Variants in TNR observed in about 807,000 individuals in gnomAD.
The protein encoded by TNR is tenascin R, also known as tenascin-R.
Under a neutral mutation model 150.4 loss-of-function variants are expected in TNR, and 45 were observed. The ratio of observed to expected loss-of-function variants is 0.30; its 90% confidence interval spans 0.24 to 0.38. The LOEUF is 0.38. TNR is among the 10% of genes least tolerant of loss of function. The pLI is 1.00. For missense variants in TNR, 1,544 were observed against 1,759.1 expected, an observed-to-expected ratio of 0.88 and a Z score of 2.19; for synonymous variants, 687 against 678.4, an observed-to-expected ratio of 1.01 and a Z score of -0.20.
chr1:175,725,610 C>A (rs1262906779), intron 1 of TNR, among the ~76,000 whole-genome samples: 1 of 151,998 alleles, frequency 6.6e-6, no homozygotes, highest in African/African-American at 2.4e-5. Context: ...TAAAGGATCA[C>A]AATTTGGGGA....
At chr1:175,616,110 G>C (rs1471772747) in intron 1 of TNR, among the ~76,000 whole-genome samples, 3 of 152,130 alleles carry the variant, frequency 2.0e-5, no homozygotes, top group African/African-American at 7.2e-5. Flanking sequence ...ATGTGCCAGG[G>C]GCCAAATAGG....
chr1:175,513,076 A>AT lies in TNR; in HGVS notation c.-64+15192dup, dbSNP rs1659256673. Among the ~76,000 whole-genome samples the AT allele has an allele frequency of 4.6e-5, 7 of 152,182 alleles. 1 individual carries two copies. Among genetic ancestry groups the AT allele is most frequent in the Admixed American group, 3.9e-4 (6 of 15,280 alleles). On this transcript the variant is annotated intron_variant, in intron 2 of 22. Coordinates refer to ENST00000367674, the MANE Select transcript of TNR (RefSeq NM_003285.3). Reference sequence around the variant, plus strand: ...CTAGGGTAAGGGTCCAGGAAACCACATTTTGTAATAAGTTCTTAGGATGTT... The same window carrying AT: ...CTAGGGTAAGGGTCCAGGAAACCACATTTTTGTAATAAGTTCTTAGGATGTT...
chr1:175,657,883 A>ATATATATATG lies in TNR; in HGVS notation c.-165+85342_-165+85343insCATATATATA, dbSNP rs1464419575. Among the ~76,000 whole-genome samples, 227 of 101,094 alleles carry ATATATATATG rather than the reference A, an allele frequency of 2.2e-3. 22 individuals carry two copies. Among genetic ancestry groups the ATATATATATG allele is most frequent in the African/African-American group, 5.5e-3 (153 of 27,672 alleles). 66.3% of individuals were successfully genotyped at this position (101,094 alleles called of 152,430 possible). A position where few individuals can be genotyped will look rare whatever the true frequency, so the allele number is the denominator to read the frequency against. On this transcript the variant is annotated intron_variant, in intron 1 of 22. Coordinates refer to ENST00000367674, the MANE Select transcript of TNR (RefSeq NM_003285.3). ...TATATATATATATATATATATATAT[A>ATATATATATG]TGTAACAAACCTGCACGTTGTGCAC...
At chr1:175,690,944 C>T (rs183214517) in intron 1 of TNR, among the ~76,000 whole-genome samples, 14 of 152,212 alleles carry the variant, frequency 9.2e-5, no homozygotes, top group Middle Eastern at 3.4e-3. Context: ...ATCAAGGAAA[C>T]CTTCTAGGTT....
At chr1:175,610,979 G>A (rs991962506) in intron 1 of TNR, among the ~76,000 whole-genome samples, 1 of 152,176 alleles carries the variant, frequency 6.6e-6, no homozygotes, top group African/African-American at 2.4e-5. Context: ...AGCCAGTTTG[G>A]TGTGCCCTGT....
intron 2 of TNR, among the ~76,000 whole-genome samples, chr1:175,417,814 T>C (rs544000132): frequency 6.6e-6 from 1 of 152,346 alleles, no homozygotes; most frequent in Non-Finnish European, 1.5e-5. Context: ...TTATATAGCA[T>C]AACTATATTG....
At chr1:175,589,814 A>G (rs1450197295) in intron 1 of TNR, among the ~76,000 whole-genome samples, 1 of 152,046 alleles carries the variant, frequency 6.6e-6, no homozygotes, top group Non-Finnish European at 1.5e-5. Flanking sequence ...ACATGGACAC[A>G]GGAAAGGGAA....
In TNR at chr1:175,445,448, T is replaced by C. The variant is rs191056319; in HGVS notation, c.-63-38671A>G. 1.5e-3 allele frequency among the ~76,000 whole-genome samples: 221 copies of C among 152,262 alleles called. 1 individual carries two copies. The highest frequency in any genetic ancestry group is 3.9e-3 in the Admixed American group (59 of 15,308). ...TTTAAACCTGTTCAAGGATTTTTTT[T>C]TCCATTTCTTGGTCTCTCTGTGAAA... On this transcript the variant is annotated intron_variant, in intron 2 of 22. Coordinates refer to ENST00000367674, the MANE Select transcript of TNR (RefSeq NM_003285.3).
intron 1 of TNR, among the ~76,000 whole-genome samples, chr1:175,584,962 A>G (rs1297494189): frequency 6.6e-6 from 1 of 152,224 alleles, no homozygotes; most frequent in Non-Finnish European, 1.5e-5. Context: ...GCACAGAAGC[A>G]GTCTGGACAG....
At chr1:175,511,978 T>G (rs1480964593) in intron 2 of TNR, among the ~76,000 whole-genome samples, 1 of 152,238 alleles carries the variant, frequency 6.6e-6, no homozygotes, top group African/African-American at 2.4e-5. Context: ...ACCACTGTGA[T>G]CCAGCACTTT....
intron 1 of TNR, among the ~76,000 whole-genome samples, chr1:175,659,732 G>T (rs1247336647): frequency 1.3e-5 from 2 of 152,140 alleles, no homozygotes; most frequent in East Asian, 3.9e-4. Context: ...CAAAGGAGCT[G>T]ACGTCTATAC....
intron 2 of TNR, among the ~76,000 whole-genome samples, chr1:175,441,394 G>A (rs1655782735): frequency 6.6e-6 from 1 of 152,088 alleles, no homozygotes; most frequent in Non-Finnish European, 1.5e-5. Context: ...CTTTCACAGT[G>A]TATGCATATA....
In TNR at chr1:175,330,137, A is replaced by G; in HGVS notation, c.3730T>C (p.Phe1244Leu). The G allele has an allele frequency of 6.2e-7, 1 of 1,613,406 alleles. No homozygotes were observed. Among genetic ancestry groups the G allele is most frequent in the Non-Finnish European group, 8.5e-7 (1 of 1,179,418 alleles). The stretch of plus-strand genomic sequence containing the variant: ...AGGTTTCTGCTGTCCTCGACAGAGA[A>G]CCTGTCGTAGGAGGCGAAGGCGGCC... ...QEAAFASYDR[F>L]SVEDSRNLYK... Residue 1244 changes from phenylalanine (F) to leucine (L), a missense_variant, in exon 21 of 23, where the codon TTC (phenylalanine) becomes CTC (leucine). Phe to Leu is a conservative substitution (Grantham distance 22). Coordinates refer to ENST00000367674, the MANE Select transcript of TNR (RefSeq NM_003285.3).
At chr1:175,739,365 T>C (rs892478428) in intron 1 of TNR, among the ~76,000 whole-genome samples, 1 of 152,140 alleles carries the variant, frequency 6.6e-6, no homozygotes, top group African/African-American at 2.4e-5. Flanking sequence ...GTACAAACGG[T>C]GCACGAGATT....
In TNR at chr1:175,356,346, C is replaced by A; in HGVS notation, c.3091G>T (p.Gly1031Cys). The A allele has an allele frequency of 1.2e-6, 2 of 1,614,012 alleles. No homozygotes were observed. Among genetic ancestry groups the A allele is most frequent in the Non-Finnish European group, 1.7e-6 (2 of 1,179,934 alleles). ...MYATNGPLTS[G>C]TISTNFSTLL... ...GTAGAAAAGTTGGTGCTGATGGTGC[C>A]ACTGGTGAGAGGTCCATTGGTGGCA... Residue 1031 changes from glycine to cysteine, a missense_variant, in exon 16 of 23, where the codon GGC becomes TGC. By Grantham distance (159) the Gly-to-Cys change is radical. Around this residue, in one of 2 missense-constraint regions of TNR, gnomAD observed 1,254 missense variants for 1,329.4 expected, o/e 0.94. Coordinates refer to ENST00000367674, the MANE Select transcript of TNR (RefSeq NM_003285.3).
intron 21 of TNR, 74 bp downstream of exon 21, chr1:175,330,000 A>T: frequency 2.9e-6 from 4 of 1,387,548 alleles, no homozygotes; most frequent in Non-Finnish European, 3.8e-6. Flanking sequence ...TTCCTGAGGC[A>T]GCTTACGCCT....
At chr1:175,348,290 C>A (rs1380959799) in intron 18 of TNR, among the ~76,000 whole-genome samples, 1 of 152,128 alleles carries the variant, frequency 6.6e-6, no homozygotes, top group African/African-American at 2.4e-5. Flanking sequence ...TATAGGCCTT[C>A]AGAAGGGATG....
chr1:175,480,960 A>G (rs1657782620), intron 2 of TNR, among the ~76,000 whole-genome samples: 1 of 152,188 alleles, frequency 6.6e-6, no homozygotes, highest in African/African-American at 2.4e-5. Context: ...CCTTTTTCTG[A>G]CAGAATAAAC....
chr1:175,660,197 A>T (rs1311909696), intron 1 of TNR, among the ~76,000 whole-genome samples: 1 of 152,230 alleles, frequency 6.6e-6, no homozygotes, highest in Non-Finnish European at 1.5e-5. Flanking sequence ...TGTGACATGA[A>T]TCAGGCATTC....
Sources: allele counts gnomAD v4.1 joint callset (sites outside exome capture counted in the v4.1 genomes callset), GRCh38; gene constraint gnomAD v4.1.1; regional missense constraint gnomAD v4.1.1; transcripts MANE v1.5; gene names NCBI Gene and HGNC (gene_info 2026-07-23, HGNC 2026-07-21).